FBXL17: variants seen among roughly 807,000 people sequenced by gnomAD.
FBXL17 encodes the protein F-box and leucine rich repeat protein 17, also known as F-box/LRR-repeat protein 17.
In FBXL17, 22 loss-of-function variants were observed where a neutral mutation model predicts 66.2. The observed-to-expected ratio is 0.33, with a 90% confidence interval of 0.24 to 0.47. FBXL17 has a LOEUF of 0.47. FBXL17 is among the 20% of genes least tolerant of loss of function. The probability of loss-of-function intolerance (pLI) is 1.00; values close to 1 mark genes in which losing one functional copy is unlikely to be tolerated. For synonymous variants in FBXL17, 474 were observed against 400.5 expected (o/e 1.18, Z -2.19); for missense variants, 878 against 948.2 (o/e 0.93, Z 0.97).
chr5:108,218,007 A>AT (rs1193613248), intron 5 of FBXL17, among the ~76,000 whole-genome samples: 1 of 136,560 alleles, frequency 7.3e-6, no homozygotes, highest in Non-Finnish European at 1.6e-5. Flanking sequence ...ATATTTTCTA[A>AT]TTTTTTTTCT....
In FBXL17 at chr5:107,904,256, G is replaced by C. The variant is rs529456584; in HGVS notation, c.1823-23077C>G. On this transcript the variant is annotated intron_variant, in intron 7 of 8. Transcript: ENST00000542267. Reference sequence around the variant, plus strand: ...TGGCACCACAGACTTGTCCAGATCAGAGCCAGGAGAGACACCCCCTTCTCC... The same window carrying C: ...TGGCACCACAGACTTGTCCAGATCACAGCCAGGAGAGACACCCCCTTCTCC... 1.2e-3 allele frequency among the ~76,000 whole-genome samples: 188 copies of C among 152,150 alleles called. 1 individual carries two copies. The highest frequency in any genetic ancestry group is 2.2e-3 in the Non-Finnish European group (149 of 68,006).
At chr5:108,362,326 G>C (rs1366868574) in intron 3 of FBXL17, among the ~76,000 whole-genome samples, 14 of 152,078 alleles carry the variant, frequency 9.2e-5, no homozygotes, top group Non-Finnish European at 1.5e-5. Context: ...TGCTAAAACT[G>C]CATATAATTG....
In FBXL17 at chr5:107,860,390, A is replaced by G. The variant is rs1486149334; in HGVS notation, c.*1330T>C. On this transcript the variant is annotated 3_prime_UTR_variant, in exon 9 of 9. Transcript: ENST00000542267. ...AAAAAGGCTCCCTGATGTCCTCATT[A>G]TAAATCTAGACACAGGAACAGTTAT... The G allele has an allele frequency of 1.3e-5, 2 of 152,662 alleles. No homozygotes were observed. Among genetic ancestry groups the G allele is most frequent in the African/African-American group, 2.4e-5 (1 of 41,462 alleles). 9.5% of individuals were successfully genotyped at this position (152,662 alleles called of 1,614,324 possible). A position where few individuals can be genotyped will look rare whatever the true frequency, so the allele number is the denominator to read the frequency against.
intron 6 of FBXL17, among the ~76,000 whole-genome samples, chr5:108,103,965 A>AGT (rs1407486360): frequency 1.3e-5 from 2 of 152,166 alleles, no homozygotes; most frequent in Non-Finnish European, 2.9e-5. Flanking sequence ...TGTGCCAGAC[A>AGT]GTATGCCTTA....
At position 108,032,530 on chromosome 5, in the gene FBXL17, CAA is replaced by C. The variant is rs1268758645; in HGVS notation, c.1746-11531_1746-11530del. On this transcript the variant is annotated intron_variant, in intron 6 of 8. Transcript: ENST00000542267. ...GTAAATGCAATCACTAGCATACTCACAAGAGAGAGGCAAATGAAGATTTGACA... is the reference window on the plus strand; with the variant it reads ...GTAAATGCAATCACTAGCATACTCACGAGAGAGGCAAATGAAGATTTGACA... Among the ~76,000 whole-genome samples the C allele has an allele frequency of 3.3e-5, 5 of 152,108 alleles. No homozygotes were observed. In the East Asian group the frequency reaches 9.7e-4, roughly 29 times the overall value.
chr5:108,172,432 CAA>C (rs1752641711), intron 6 of FBXL17, among the ~76,000 whole-genome samples: 1 of 152,168 alleles, frequency 6.6e-6, no homozygotes, highest in Non-Finnish European at 1.5e-5. Context: ...TCATATTGCA[CAA>C]AAGAGTGCGT....
intron 2 of FBXL17, among the ~76,000 whole-genome samples, chr5:108,366,336 C>G (rs967236809): frequency 4.0e-5 from 6 of 151,880 alleles, no homozygotes; most frequent in Admixed American, 3.9e-4. Flanking sequence ...TTATTCAAGT[C>G]CTTTCAGTAA....
rs143256711 is a variant in FBXL17 at position 108,309,901 on chromosome 5, A to C, written c.1506+38498T>G. Reference sequence around the variant, plus strand: ...AGGATTCTCTACCCCTCATCTACTTACATTTGCAACAAGAAATATTCTATA... The same window carrying C: ...AGGATTCTCTACCCCTCATCTACTTCCATTTGCAACAAGAAATATTCTATA... On this transcript the variant is annotated intron_variant, in intron 4 of 8. Transcript: ENST00000542267. Among the ~76,000 whole-genome samples the C allele has an allele frequency of 6.9e-3, 1,047 of 152,252 alleles. 16 individuals are homozygous for C. Among genetic ancestry groups the C allele is most frequent in the African/African-American group, 0.024 (989 of 41,584 alleles).
chr5:108,315,467 T>C (rs1759317595), intron 4 of FBXL17, among the ~76,000 whole-genome samples: 1 of 151,496 alleles, frequency 6.6e-6, no homozygotes, highest in Non-Finnish European at 1.5e-5. Context: ...ACATTATATT[T>C]CAAAATATTT....
At chr5:108,119,651 T>C (rs1217450776) in intron 6 of FBXL17, among the ~76,000 whole-genome samples, 1 of 152,234 alleles carries the variant, frequency 6.6e-6, no homozygotes, top group African/African-American at 2.4e-5. Flanking sequence ...GATACTCTAA[T>C]GAGGAGGAAT....
At position 108,267,306 on chromosome 5, in the gene FBXL17, C is replaced by T. The variant is rs1012751006; in HGVS notation, c.1507-43078G>A. Among the ~76,000 whole-genome samples the T allele has an allele frequency of 3.3e-5, 5 of 151,884 alleles. No individual in the cohort carries two copies. The East Asian group carries it at 9.6e-4, about 29-fold the overall frequency. On this transcript the variant is annotated intron_variant, in intron 4 of 8. Coordinates refer to ENST00000542267, the MANE Select transcript of FBXL17 (RefSeq NM_001163315.3). ...ATATAATCTAAATTTAGAAAACTCA[C>T]CAAATTTTTACTACTGAACTAGAAA...
chr5:107,893,568 A>T lies in FBXL17; in HGVS notation c.1823-12389T>A, dbSNP rs73780450. 3.5e-3 allele frequency among the ~76,000 whole-genome samples: 526 copies of T among 152,318 alleles called. 2 individuals are homozygous for T. The highest frequency in any genetic ancestry group is 0.012 in the African/African-American group (502 of 41,564). On this transcript the variant is annotated intron_variant, in intron 7 of 8. Transcript: ENST00000542267. ...TATTATATAATCCTCAGGCACTACAAAATCTTGAATCTGTCCCTGACCCAA... is the reference window on the plus strand; with the variant it reads ...TATTATATAATCCTCAGGCACTACATAATCTTGAATCTGTCCCTGACCCAA...
intron 7 of FBXL17, among the ~76,000 whole-genome samples, chr5:107,944,301 T>C (rs979205378): frequency 2.0e-5 from 3 of 152,232 alleles, no homozygotes; most frequent in Non-Finnish European, 1.5e-5. Context: ...ATGAATGTAA[T>C]GGTAGGTTTT....
intron 7 of FBXL17, among the ~76,000 whole-genome samples, chr5:107,954,482 G>A (rs1167732066): frequency 6.6e-6 from 1 of 152,232 alleles, no homozygotes; most frequent in Non-Finnish European, 1.5e-5. Context: ...CACTGTTACA[G>A]AGTGCAAGGG....
chr5:108,125,402 G>A (rs1750659631), intron 6 of FBXL17, among the ~76,000 whole-genome samples: 1 of 151,856 alleles, frequency 6.6e-6, no homozygotes, highest in Non-Finnish European at 1.5e-5. Flanking sequence ...AAACTTGGAA[G>A]GATTGAAAGT....
intron 7 of FBXL17, among the ~76,000 whole-genome samples, chr5:108,016,687 G>C (rs2112753039): frequency 6.6e-6 from 1 of 152,260 alleles, no homozygotes. Flanking sequence ...ACAGGCCTGA[G>C]TGACACAGGT....
chr5:108,333,148 GTA>G (rs145030445), intron 4 of FBXL17, among the ~76,000 whole-genome samples: 141 of 136,540 alleles, frequency 1.0e-3, no homozygotes, highest in Admixed American at 1.3e-3. Flanking sequence ...AGAAATACCA[GTA>G]TATATATATA....
chr5:108,254,859 T>C (rs1228280825), intron 4 of FBXL17, among the ~76,000 whole-genome samples: 2 of 152,186 alleles, frequency 1.3e-5, no homozygotes. Context: ...TTTAAGTTAA[T>C]CCCAATGTCT....
At chr5:107,869,011 G>A (rs1157651823) in intron 8 of FBXL17, among the ~76,000 whole-genome samples, 3 of 152,156 alleles carry the variant, frequency 2.0e-5, no homozygotes, top group African/African-American at 7.2e-5. Context: ...GAAAGAGAGG[G>A]GTGAAGAAGA....
Sources: allele counts gnomAD v4.1 joint callset (sites outside exome capture counted in the v4.1 genomes callset), GRCh38; gene constraint gnomAD v4.1.1; transcripts MANE v1.5; gene names NCBI Gene and HGNC (gene_info 2026-07-23, HGNC 2026-07-21).